Variants in ACACB observed in about 807,000 individuals in gnomAD.
ACACB encodes the protein acetyl-CoA carboxylase 2.
Under a neutral mutation model 278.8 loss-of-function variants are expected in ACACB, and 209 were observed. The ratio of observed to expected loss-of-function variants is 0.75; its 90% confidence interval spans 0.67 to 0.84. ACACB has a LOEUF of 0.84. Among genes scored for constraint, ACACB ranks in the 40% least tolerant of loss-of-function variants. The pLI is 0.00. For missense variants in ACACB, 2,850 were observed against 3,269.0 expected, an observed-to-expected ratio of 0.87 and a Z score of 3.13; for synonymous variants, 1,174 against 1,285.6, an observed-to-expected ratio of 0.91 and a Z score of 1.86.
rs777716398 is a variant in ACACB at position 109,139,459 on chromosome 12, C to G, written c.54C>G (p.Ser18=). The G allele has an allele frequency of 4.3e-6, 7 of 1,613,960 alleles. No individual in the cohort carries two copies. Among genetic ancestry groups the G allele is most frequent in the Non-Finnish European group, 5.1e-6 (6 of 1,180,022 alleles). ...SCLIFSCLTF[S]WLKIWGKMTD... ...TGATTTTCTCCTGTCTGACCTTTTCCTGGTTAAAAATCTGGGGGAAAATGA... is the reference window on the plus strand; with the variant it reads ...TGATTTTCTCCTGTCTGACCTTTTCGTGGTTAAAAATCTGGGGGAAAATGA... The change falls in exon 2 of 53, where the codon TCC becomes TCG. Residue 18 remains serine (S), a synonymous_variant. Transcript: ENST00000338432.
rs189351789 is a variant in ACACB, at chr12:109,175,231, T to C, written c.1217-700T>C. On this transcript the variant is annotated intron_variant, in intron 7 of 52. Coordinates refer to ENST00000338432, the MANE Select transcript of ACACB (RefSeq NM_001093.4). ...GTTTCCTATTAAATTTGTTTTTTTT[T>C]CCCCCCCCAAAAGTTGAATTTTAAA... 6.0e-3 allele frequency among the ~76,000 whole-genome samples: 896 copies of C among 149,870 alleles called. 5 individuals are homozygous for C. Among genetic ancestry groups the C allele is most frequent in the Middle Eastern group, 0.034 (10 of 292 alleles).
At position 109,139,631 on chromosome 12, in the gene ACACB, C is replaced by T. The variant is rs1261728583; in HGVS notation, c.226C>T (p.Pro76Ser). The T allele has an allele frequency of 8.7e-6, 14 of 1,614,038 alleles. No individual in the cohort carries two copies. The highest frequency in any genetic ancestry group is 1.2e-5 in the Non-Finnish European group (14 of 1,179,932). The change falls in exon 2 of 53, where the codon CCA becomes TCA. Residue 76 changes from proline to serine, a missense_variant. This residue lies in a region of ACACB where 2,265 missense variants were observed against 2,561.3 expected (regional missense o/e 0.88). Transcript: ENST00000338432. ...GCCCAAGACACCCAGCCAGGCCGAGCCAGCCTCCCACAAAGGCCCCAAAGA... is the reference window on the plus strand; with the variant it reads ...GCCCAAGACACCCAGCCAGGCCGAGTCAGCCTCCCACAAAGGCCCCAAAGA... ...TLPKTPSQAEPASHKGPKDAG... is the reference protein window; with the variant it reads ...TLPKTPSQAESASHKGPKDAG...
chr12:109,237,697 C>G (rs1215650703), intron 34 of ACACB, among the ~76,000 whole-genome samples: 1 of 152,054 alleles, frequency 6.6e-6, no homozygotes, highest in African/African-American at 2.4e-5. Flanking sequence ...TGATCGTTTT[C>G]CATTGTTTCT....
At chr12:109,252,890 A>T (rs2047132786) in intron 42 of ACACB, 125 bp from the exon 43 acceptor site, 1 of 934,232 alleles carries the variant, frequency 1.1e-6, no homozygotes, top group Non-Finnish European at 1.5e-6. Flanking sequence ...GAGCATCAGG[A>T]TTTGTGAAAT....
chr12:109,223,774 C>A lies in ACACB; in HGVS notation c.3793-41C>A. ...AACAAAGAAAAACCTGAAACTTGTT[C>A]ACATTTACTTTTCCTTGTTTCCCCT... On this transcript the variant is annotated intron_variant, in intron 26 of 52. Transcript: ENST00000338432. The A allele has an allele frequency of 1.9e-6, 3 of 1,554,022 alleles. No individual in the cohort carries two copies. The South Asian group carries it at 3.3e-5, about 17-fold the overall frequency.
chr12:109,128,243 G>A (rs1364249259), intron 1 of ACACB, among the ~76,000 whole-genome samples: 1 of 152,124 alleles, frequency 6.6e-6, no homozygotes, highest in African/African-American at 2.4e-5. Flanking sequence ...CCACCTCCCG[G>A]GTTCAAGTGA....
Position 109,195,262 on chromosome 12 carries a change from G to C in ACACB, c.2481+1533G>C, listed in dbSNP as rs559782455. ...CCTCACATTGTCAGGAGGGAAAAGA[G>C]GACAGAGTTTGAGTCTGCTTATGAG... On this transcript the variant is annotated intron_variant, in intron 16 of 52. Coordinates refer to ENST00000338432, the MANE Select transcript of ACACB (RefSeq NM_001093.4). 1.6e-3 allele frequency among the ~76,000 whole-genome samples: 242 copies of C among 152,294 alleles called. 1 individual carries two copies. The highest frequency in any genetic ancestry group is 5.5e-3 in the African/African-American group (229 of 41,554).
intron 1 of ACACB, among the ~76,000 whole-genome samples, chr12:109,119,348 T>A (rs2042482127): frequency 6.6e-6 from 1 of 152,292 alleles, no homozygotes; most frequent in South Asian, 2.1e-4. Flanking sequence ...CCCAGCACTT[T>A]GGGAGGCTGA....
intron 2 of ACACB, among the ~76,000 whole-genome samples, chr12:109,158,436 CT>C (rs1433139418): frequency 1.3e-5 from 2 of 150,656 alleles, no homozygotes; most frequent in African/African-American, 4.9e-5. Context: ...AGTCCCAGCA[CT>C]TTAGAAGACC....
intron 12 of ACACB, among the ~76,000 whole-genome samples, chr12:109,186,031 A>G (rs911641545): frequency 6.6e-6 from 1 of 152,036 alleles, no homozygotes; most frequent in Non-Finnish European, 1.5e-5. Context: ...CCCAGGTTCA[A>G]GCGATTCTCC....
intron 1 of ACACB, among the ~76,000 whole-genome samples, chr12:109,120,796 T>C (rs925562035): frequency 4.4e-4 from 67 of 152,200 alleles, no homozygotes; most frequent in Non-Finnish European, 1.6e-4. Context: ...GGGGCCCAGC[T>C]CTGCCACTCA....
intron 18 of ACACB, among the ~76,000 whole-genome samples, chr12:109,199,878 T>C (rs2045275954): frequency 6.6e-6 from 1 of 151,902 alleles, no homozygotes; most frequent in South Asian, 2.1e-4. Context: ...CCGGGCATGG[T>C]GGCAGGCGCC....
chr12:109,128,828 G>A (rs573690368), intron 1 of ACACB, among the ~76,000 whole-genome samples: 8 of 151,336 alleles, frequency 5.3e-5, no homozygotes, highest in Non-Finnish European at 1.0e-4. Context: ...TTCTGAGACA[G>A]GGTCTCGCTA....
chr12:109,130,102 A>T (rs1054232900), intron 1 of ACACB, among the ~76,000 whole-genome samples: 5 of 152,182 alleles, frequency 3.3e-5, no homozygotes, highest in South Asian at 2.1e-4. Flanking sequence ...CACACTGTCC[A>T]TTGGTGGCAG....
chr12:109,193,592 G>T (rs2044975225), intron 15 of ACACB, 56 bp from the exon 16 acceptor site: 3 of 1,367,398 alleles, frequency 2.2e-6, no homozygotes, highest in African/African-American at 1.4e-5. Context: ...GCAAGGGATG[G>T]CTGTGGAGTT....
rs151299707 is a variant in ACACB at position 109,212,858 on chromosome 12, A to G, written c.3272A>G (p.His1091Arg). 341 of 1,613,980 alleles carry G rather than the reference A, an allele frequency of 2.1e-4. No individual in the cohort carries two copies. Among genetic ancestry groups the G allele is most frequent in the Non-Finnish European group, 2.7e-4 (314 of 1,179,986 alleles). ...CAGATAGCCACCATCCTGGACTGCC[A>G]TGCAGCCACCCTGCAGCGGAAGGCT... Reference protein sequence around the residue: ...SQQIATILDCHAATLQRKADR... With the variant: ...SQQIATILDCRAATLQRKADR... The change falls in exon 22 of 53, where the codon CAT (histidine) becomes CGT (arginine). Residue 1091 changes from histidine to arginine, a missense_variant. Transcript: ENST00000338432.
At chr12:109,171,731 C>A in intron 4 of ACACB, 74 bp from the exon 5 acceptor site, 1 of 1,115,594 alleles carries the variant, frequency 9.0e-7, no homozygotes, top group South Asian at 1.3e-5. Flanking sequence ...TGTACATAGT[C>A]ACATCTTGTA....
At chr12:109,263,115 TAA>T (rs1329960748) in intron 49 of ACACB, 2 of 151,666 alleles carry the variant, frequency 1.3e-5, no homozygotes, top group African/African-American at 4.8e-5. Context: ...GATATTTTAC[TAA>T]TTTTGTTTGA....
chr12:109,186,750 T>A (rs2044677196), intron 12 of ACACB, among the ~76,000 whole-genome samples: 1 of 152,104 alleles, frequency 6.6e-6, no homozygotes, highest in Admixed American at 6.6e-5. Context: ...GGTTCTTGGC[T>A]GTGAACCAAA....
Sources: gnomAD v4.1 joint callset for allele counts (sites outside exome capture counted in the v4.1 genomes callset) on GRCh38, gnomAD v4.1.1 for gene constraint, gnomAD v4.1.1 regional missense constraint, MANE v1.5 for transcripts, NCBI Gene and HGNC (gene_info 2026-07-23, HGNC 2026-07-21) for gene names.